The following PTPRN2 variants were observed in gnomAD, a reference collection of about 807,000 sequenced individuals.
The protein encoded by PTPRN2 is protein tyrosine phosphatase receptor type N2.
In PTPRN2, 74 loss-of-function variants were observed where a neutral mutation model predicts 118.8. That is an observed-to-expected ratio of 0.62 (90% CI 0.52 to 0.76). PTPRN2 has a LOEUF of 0.76. PTPRN2 is among the 30% of genes least tolerant of loss of function. The pLI, the probability that PTPRN2 is intolerant of heterozygous loss-of-function variation, is 0.00. For synonymous variants in PTPRN2, 641 were observed against 608.0 expected, an observed-to-expected ratio of 1.05 and a Z score of -0.80; for missense variants, 1,481 against 1,394.4, an observed-to-expected ratio of 1.06 and a Z score of -0.99.
intron 2 of PTPRN2, among the ~76,000 whole-genome samples, chr7:158,429,271 C>T (rs1362144309): frequency 1.3e-5 from 2 of 152,320 alleles, no homozygotes; most frequent in African/African-American, 4.8e-5. Context: ...TCCCCCACAT[C>T]TCCAGGGAAG....
rs1253421500 is a variant in PTPRN2, at chr7:158,395,801, C to A, written c.164-78869G>T. ...GGCGCGAGGGGCGAGGGGTGAGGCG[C>A]GAGGGGCGAGGGGCGAGGGCTCCCG... On this transcript the variant is annotated intron_variant, in intron 2 of 22. Coordinates refer to ENST00000389418, the MANE Select transcript of PTPRN2 (RefSeq NM_002847.5). 3.7e-5 allele frequency among the ~76,000 whole-genome samples: 5 copies of A among 135,454 alleles called. 1 individual carries two copies. Among genetic ancestry groups the A allele is most frequent in the African/African-American group, 9.0e-5 (3 of 33,306 alleles). 88.9% of individuals were successfully genotyped at this position (135,454 alleles called of 152,430 possible). A position where few individuals can be genotyped will look rare whatever the true frequency, so the allele number is the denominator to read the frequency against.
chr7:158,512,011 A>G (rs1000862101), intron 1 of PTPRN2, among the ~76,000 whole-genome samples: 1 of 152,210 alleles, frequency 6.6e-6, no homozygotes, highest in Admixed American at 6.5e-5. Context: ...TGAACTTCAC[A>G]GCACAAAGAG....
chr7:158,478,588 C>G (rs1194971826), intron 2 of PTPRN2, among the ~76,000 whole-genome samples: 1 of 152,114 alleles, frequency 6.6e-6, no homozygotes, highest in East Asian at 1.9e-4. Context: ...TCAACGCATC[C>G]CTGAGCTGGA....
intron 17 of PTPRN2, among the ~76,000 whole-genome samples, chr7:157,586,670 C>T (rs1037932159): frequency 6.6e-6 from 1 of 151,154 alleles, no homozygotes; most frequent in African/African-American, 2.4e-5. Flanking sequence ...AGACTCAGGG[C>T]CCCCTGCTAC....
rs1797009244 is a variant in PTPRN2 at position 158,256,189 on chromosome 7, G to A, written c.278-50916C>T. ...GGAGTGTTGACGACGATGCTTTGAT[G>A]GTCCTCTTCTGTTGTCTCCCATAGG... On this transcript the variant is annotated intron_variant, in intron 3 of 22. Transcript: ENST00000389418. Among the ~76,000 whole-genome samples, 3 of 152,298 alleles carry A rather than the reference G, an allele frequency of 2.0e-5. No homozygotes were observed. In the South Asian group the frequency reaches 6.2e-4, roughly 32 times the overall value.
chr7:158,190,246 C>T (rs1473114408), intron 5 of PTPRN2, among the ~76,000 whole-genome samples: 1 of 152,146 alleles, frequency 6.6e-6, no homozygotes, highest in Non-Finnish European at 1.5e-5. Flanking sequence ...CCCCCTGGCC[C>T]CAGAGCAGTG....
At position 157,873,873 on chromosome 7, in the gene PTPRN2, C is replaced by T. The variant is rs539717148; in HGVS notation, c.1788+24800G>A. Among the ~76,000 whole-genome samples the T allele has an allele frequency of 5.9e-5, 9 of 152,172 alleles. No homozygotes were observed. In the South Asian group the frequency reaches 1.2e-3, roughly 21 times the overall value. On this transcript the variant is annotated intron_variant, in intron 12 of 22. Transcript: ENST00000389418. Reference sequence around the variant, plus strand: ...TGGAAAGCGGAGGAGGAGGGATGGACGACCAGCTGGGCACAAGAGGGGCTT... The same window carrying T: ...TGGAAAGCGGAGGAGGAGGGATGGATGACCAGCTGGGCACAAGAGGGGCTT...
rs151174529 is a variant in PTPRN2, at chr7:158,574,970, G to A, written c.112+12588C>T. Among the ~76,000 whole-genome samples the A allele has an allele frequency of 6.6e-6, 1 of 152,320 alleles. No individual in the cohort carries two copies. The highest frequency in any genetic ancestry group is 1.9e-4 in the East Asian group (1 of 5,188). On this transcript the variant is annotated intron_variant, in intron 1 of 22. Transcript: ENST00000389418. The surrounding 1 kb of genome is among the most constrained non-coding windows in gnomAD (Gnocchi z 4.6). The stretch of plus-strand genomic sequence containing the variant: ...TACTCACCCTCTTCTCCTTCAGGCT[G>A]CAAATTAAAACAGACTTCCATCCTT...
intron 13 of PTPRN2, among the ~76,000 whole-genome samples, chr7:157,680,586 C>T (rs975517994): frequency 6.6e-6 from 1 of 152,208 alleles, no homozygotes; most frequent in African/African-American, 2.4e-5. Context: ...CTCACTACTG[C>T]GTCCTGCTCC....
At chr7:158,236,174 G>A (rs544005965) in intron 3 of PTPRN2, among the ~76,000 whole-genome samples, 1 of 152,166 alleles carries the variant, frequency 6.6e-6, no homozygotes, top group Non-Finnish European at 1.5e-5. Context: ...TCTGGTCATC[G>A]CAAACAGAGC....
Position 158,370,837 on chromosome 7 carries a change from CA to C in PTPRN2, c.164-53906del, listed in dbSNP as rs536709215. On this transcript the variant is annotated intron_variant, in intron 2 of 22. Transcript: ENST00000389418. The stretch of plus-strand genomic sequence containing the variant: ...GAAAGCAACATGCAAAAGTGGAATA[CA>C]AAAAAACTTCCACTTCCAAAGATGC... Among the ~76,000 whole-genome samples the C allele has an allele frequency of 9.7e-3, 1,482 of 152,156 alleles. 12 individuals carry two copies. The highest frequency in any genetic ancestry group is 0.018 in the Non-Finnish European group (1,190 of 67,990).
chr7:158,149,067 T>A, intron 6 of PTPRN2, among the ~76,000 whole-genome samples: 1 of 114,390 alleles, frequency 8.7e-6, no homozygotes, highest in African/African-American at 3.3e-5. Context: ...TCATGCCACG[T>A]GTCATTCCCC....
chr7:158,081,235 T>A, intron 11 of PTPRN2, 63 bp downstream of exon 11: 1 of 1,456,638 alleles, frequency 6.9e-7, no homozygotes, highest in Middle Eastern at 2.0e-4. Context: ...TGTGCGTGTT[T>A]GCGTGCGTGT....
chr7:157,710,188 C>A (rs1319435904), intron 12 of PTPRN2, among the ~76,000 whole-genome samples: 2 of 152,198 alleles, frequency 1.3e-5, no homozygotes, highest in African/African-American at 4.8e-5. Flanking sequence ...AAAATCTGAG[C>A]TCTCTCCCTC....
In PTPRN2 at chr7:158,555,659, G is replaced by A. The variant is rs73730432; in HGVS notation, c.112+31899C>T. On this transcript the variant is annotated intron_variant, in intron 1 of 22. Transcript: ENST00000389418. The surrounding 1 kb of genome is among the most constrained non-coding windows in gnomAD (Gnocchi z 4.7). ...AGGGTTAGGGGCACAAGCACCGCCC[G>A]TCAACCCTTCACAGAAGCTGGCAAC... is the stretch of plus-strand genomic sequence containing the variant. 0.031 allele frequency among the ~76,000 whole-genome samples: 4,720 copies of A among 152,240 alleles called. 251 individuals are homozygous for A. Among genetic ancestry groups the A allele is most frequent in the African/African-American group, 0.11 (4,423 of 41,530 alleles).
intron 11 of PTPRN2, among the ~76,000 whole-genome samples, chr7:157,940,882 C>CA: frequency 2.0e-5 from 1 of 50,962 alleles, no homozygotes; most frequent in Non-Finnish European, 3.0e-5. Context: ...TCTAACGCCC[C>CA]CCCATGACAC....
At chr7:158,342,212 C>T (rs1375558125) in intron 2 of PTPRN2, among the ~76,000 whole-genome samples, 9 of 132,410 alleles carry the variant, frequency 6.8e-5, no homozygotes, top group Non-Finnish European at 1.5e-4. Context: ...CACCCACACA[C>T]GTCACTCACA....
rs1563373754 is a variant in PTPRN2, at chr7:158,509,026, A to G, written c.113-19241T>C. 1.3e-5 allele frequency among the ~76,000 whole-genome samples: 2 copies of G among 152,062 alleles called. No individual in the cohort carries two copies. The highest frequency in any genetic ancestry group is 4.8e-5 in the African/African-American group (2 of 41,400). ...AGGGGTCGGATTGCAAGATCTCTTC[A>G]GAGGTGGAAGCTGATGCGGGTGGAG... is the stretch of plus-strand genomic sequence containing the variant. On this transcript the variant is annotated intron_variant, in intron 1 of 22. Coordinates refer to ENST00000389418, the MANE Select transcript of PTPRN2 (RefSeq NM_002847.5). The surrounding 1 kb of genome is among the most constrained non-coding windows in gnomAD (Gnocchi z 4.4).
intron 1 of PTPRN2, among the ~76,000 whole-genome samples, chr7:158,498,587 C>T (rs138151611): frequency 7.7e-6 from 1 of 130,314 alleles, no homozygotes; most frequent in East Asian, 2.3e-4. Flanking sequence ...TTTTTGTCCT[C>T]GATTTCCTGA....
Sources: allele counts gnomAD v4.1 joint callset (sites outside exome capture counted in the v4.1 genomes callset), GRCh38; gene constraint gnomAD v4.1.1; non-coding constraint Gnocchi (gnomAD v3.1); transcripts MANE v1.5; gene names NCBI Gene and HGNC (gene_info 2026-07-23, HGNC 2026-07-21).